HERC2: variants seen among roughly 807,000 people sequenced by gnomAD.
HERC2 encodes the protein HECT and RLD domain containing E3 ubiquitin protein ligase 2, also known as E3 ubiquitin-protein ligase HERC2.
HERC2 carries 102 observed loss-of-function variants against 537.7 expected under a neutral mutation model. That is an observed-to-expected ratio of 0.19 (90% CI 0.16 to 0.22). The LOEUF (loss-of-function observed/expected upper bound fraction) is 0.22, where lower values mean the gene tolerates loss of function less well. Ranked by LOEUF, HERC2 falls within the 10% of genes least tolerant of loss-of-function variation. The pLI is 1.00. For missense variants in HERC2, 4,236 were observed against 6,198.2 expected (o/e 0.68, Z 10.63); for synonymous variants, 2,224 against 2,466.2 (o/e 0.90, Z 2.91).
At chr15:28,155,233 C>T (rs1892875930) in intron 69 of HERC2, among the ~76,000 whole-genome samples, 1 of 152,020 alleles carries the variant, frequency 6.6e-6, no homozygotes, top group Non-Finnish European at 1.5e-5. Flanking sequence ...CATATGTGTG[C>T]ATGTGTCTTT....
intron 69 of HERC2, among the ~76,000 whole-genome samples, chr15:28,158,254 G>T (rs1893217251): frequency 6.6e-6 from 1 of 152,112 alleles, no homozygotes; most frequent in Non-Finnish European, 1.5e-5. Flanking sequence ...TATTAGGTTG[G>T]CTTGATGCAG....
intron 21 of HERC2, among the ~76,000 whole-genome samples, chr15:28,247,215 C>T (rs1266611875): frequency 2.0e-5 from 3 of 151,856 alleles, no homozygotes; most frequent in African/African-American, 7.3e-5. Context: ...AGATTGGACT[C>T]GAACCCCTGG....
chr15:28,209,585 T>C (rs1000693975), intron 44 of HERC2, among the ~76,000 whole-genome samples: 105 of 152,162 alleles, frequency 6.9e-4, no homozygotes, highest in Non-Finnish European at 1.0e-3. Flanking sequence ...CCTCGTGATC[T>C]GCCCGCCTTA....
chr15:28,268,070 A>C lies in HERC2; in HGVS notation c.1598+395T>G, dbSNP rs1333054245. ...GGATAATATTAGGAAGAAACTGCTG[A>C]CTTTTGTTCCTGTAAAAATAATATA... On this transcript the variant is annotated intron_variant, in intron 12 of 92. Transcript: ENST00000261609. The surrounding 1 kb of genome is among the most constrained non-coding windows in gnomAD (Gnocchi z 4.7). Among the ~76,000 whole-genome samples the C allele has an allele frequency of 1.3e-5, 2 of 152,220 alleles. No individual in the cohort carries two copies. Among genetic ancestry groups the C allele is most frequent in the Admixed American group, 1.3e-4 (2 of 15,284 alleles).
chr15:28,128,008 G>A (rs181257414), intron 83 of HERC2, among the ~76,000 whole-genome samples: 28 of 152,292 alleles, frequency 1.8e-4, no homozygotes, highest in Admixed American at 1.8e-3. Context: ...CAACTGTAGT[G>A]AGCATCATCA....
chr15:28,288,227 T>C (rs554642018), intron 4 of HERC2, among the ~76,000 whole-genome samples: 2 of 152,108 alleles, frequency 1.3e-5, no homozygotes, highest in African/African-American at 4.8e-5. Context: ...GGGCCCATAA[T>C]GGTAAAATGT....
intron 65 of HERC2, among the ~76,000 whole-genome samples, chr15:28,169,874 G>A (rs1596113846): frequency 6.6e-6 from 1 of 152,276 alleles, no homozygotes; most frequent in East Asian, 1.9e-4. Flanking sequence ...CACTGTAACT[G>A]CAAAAAGATG....
intron 2 of HERC2, among the ~76,000 whole-genome samples, chr15:28,318,352 C>T (rs562851014): frequency 2.5e-3 from 388 of 152,202 alleles, no homozygotes; most frequent in African/African-American, 8.9e-3. Flanking sequence ...ACAGGCCGGG[C>T]GCGGTGGCTC....
chr15:28,155,711 T>C (rs1011599012), intron 69 of HERC2, among the ~76,000 whole-genome samples: 9 of 152,148 alleles, frequency 5.9e-5, no homozygotes, highest in Non-Finnish European at 1.3e-4. Context: ...ATTCTGTAGG[T>C]TGCCTGTTCA....
At chr15:28,302,870 T>C (rs2076673178) in intron 2 of HERC2, among the ~76,000 whole-genome samples, 1 of 152,340 alleles carries the variant, frequency 6.6e-6, no homozygotes, top group Admixed American at 6.5e-5. Context: ...TTTTTTCTTA[T>C]AGAGGTGCTT....
intron 35 of HERC2, among the ~76,000 whole-genome samples, chr15:28,224,202 T>C (rs374349897): frequency 2.5e-4 from 35 of 138,840 alleles, no homozygotes; most frequent in Admixed American, 2.1e-3. Context: ...GACAGACAGA[T>C]AGATAGAAAG....
chr15:28,235,625 G>A (rs1024214632), intron 26 of HERC2, among the ~76,000 whole-genome samples: 12 of 152,178 alleles, frequency 7.9e-5, no homozygotes, highest in Admixed American at 5.2e-4. Flanking sequence ...TTTCTGCCCC[G>A]AATGCTCCCT....
intron 4 of HERC2, 91 bp downstream of exon 4, chr15:28,292,797 G>T: frequency 7.7e-7 from 1 of 1,294,338 alleles, no homozygotes; most frequent in Non-Finnish European, 1.1e-6. Context: ...TTTTAAAATT[G>T]TTACCAAAAA....
intron 78 of HERC2, among the ~76,000 whole-genome samples, chr15:28,140,965 T>C (rs777869067): frequency 1.4e-4 from 21 of 151,618 alleles, no homozygotes; most frequent in African/African-American, 1.9e-4. Context: ...TGGCCGGGCG[T>C]GGTGGCTCAT....
intron 83 of HERC2, among the ~76,000 whole-genome samples, chr15:28,129,799 A>G (rs1889913748): frequency 6.0e-5 from 2 of 33,508 alleles, no homozygotes; most frequent in Non-Finnish European, 1.5e-4. Flanking sequence ...TTTTTTTTTG[A>G]GACAGTCTTG....
At position 28,198,434 on chromosome 15, in the gene HERC2, G is replaced by C; in HGVS notation, c.7955C>G (p.Thr2652Ser). 1.2e-6 allele frequency: 2 copies of C among 1,613,536 alleles called. No individual in the cohort carries two copies. The highest frequency in any genetic ancestry group is 1.7e-6 in the Non-Finnish European group (2 of 1,179,906). The change falls in exon 50 of 93, where the codon ACC becomes AGC. Residue 2652 changes from threonine (T) to serine (S), a missense_variant. Physicochemically the swap from Thr to Ser is moderately conservative, Grantham distance 58. This residue lies in a region of HERC2 where 606 missense variants were observed against 884.5 expected (regional missense o/e 0.69). Coordinates refer to ENST00000261609, the MANE Select transcript of HERC2 (RefSeq NM_004667.6). ...AGATCCCCATTTGTATTTTGGTGTGGTGACAGAGGCTTTGACCCGCACTTT... is the reference window on the plus strand; with the variant it reads ...AGATCCCCATTTGTATTTTGGTGTGCTGACAGAGGCTTTGACCCGCACTTT... ...GDKVRVKASV[T>S]TPKYKWGSVT...
At chr15:28,182,372 C>A in intron 57 of HERC2, 29 bp downstream of exon 57, 1 of 1,501,136 alleles carries the variant, frequency 6.7e-7, no homozygotes, top group Non-Finnish European at 9.3e-7. Context: ...AGTGCCCCAC[C>A]CTGCTGGGTC....
At chr15:28,148,953 C>G (rs1462496704) in intron 70 of HERC2, among the ~76,000 whole-genome samples, 3 of 150,320 alleles carry the variant, frequency 2.0e-5, no homozygotes, top group African/African-American at 7.4e-5. Flanking sequence ...AACGGCCACA[C>G]CAACATACAT....
In HERC2 at chr15:28,213,977, T is replaced by C. The variant is rs775685423; in HGVS notation, c.6556-5A>G. 6.8e-6 allele frequency: 11 copies of C among 1,613,270 alleles called. No homozygotes were observed. Among genetic ancestry groups the C allele is most frequent in the Admixed American group, 1.7e-5 (1 of 59,996 alleles). ...GAAGTAGTCCTCTAACTGGGCCTAG[T>C]GCAGACCAAACAGCGAGCTCGACAG... On this transcript the variant is annotated splice_polypyrimidine_tract_variant and splice_region_variant and intron_variant, in intron 41 of 92. Coordinates refer to ENST00000261609, the MANE Select transcript of HERC2 (RefSeq NM_004667.6).
Sources: gnomAD v4.1 joint callset for allele counts (sites outside exome capture counted in the v4.1 genomes callset) on GRCh38, gnomAD v4.1.1 for gene constraint, gnomAD v4.1.1 regional missense constraint, Gnocchi (gnomAD v3.1) non-coding constraint, MANE v1.5 for transcripts, NCBI Gene and HGNC (gene_info 2026-07-23, HGNC 2026-07-21) for gene names.